Variants in NREP observed in about 807,000 individuals in gnomAD.
NREP encodes the protein neuronal regeneration related protein.
NREP carries 5 observed loss-of-function variants against 8.6 expected under a neutral mutation model. The observed-to-expected ratio is 0.58, with a 90% CI of 0.30 to 1.22. NREP has a LOEUF of 1.22. NREP is among the 50% of genes most tolerant of loss of function. The pLI, the probability that NREP is intolerant of heterozygous loss-of-function variation, is 0.07. For synonymous variants in NREP, 27 were observed against 28.0 expected, an observed-to-expected ratio of 0.96 and a Z score of 0.11; for missense variants, 86 against 82.5, an observed-to-expected ratio of 1.04 and a Z score of -0.17.
intron 2 of NREP, among the ~76,000 whole-genome samples, chr5:111,789,252 CT>C (rs1299210976): frequency 2.0e-5 from 3 of 152,234 alleles, no homozygotes; most frequent in East Asian, 3.9e-4. Flanking sequence ...CCAATTGCAG[CT>C]TTTTTTCTTT....
At chr5:111,765,562 A>C (rs1464334195) in intron 2 of NREP, among the ~76,000 whole-genome samples, 3 of 152,210 alleles carry the variant, frequency 2.0e-5, no homozygotes, top group Non-Finnish European at 4.4e-5. Flanking sequence ...TGAGGTGGAG[A>C]AAGGTTAAGC....
At position 111,755,821 on chromosome 5, in the gene NREP, G is replaced by C. The variant is rs957675169; in HGVS notation, c.-49C>G. 4 of 1,613,662 alleles carry C rather than the reference G, an allele frequency of 2.5e-6. No individual in the cohort carries two copies. The highest frequency in any genetic ancestry group is 3.4e-6 in the Non-Finnish European group (4 of 1,179,772). On this transcript the variant is annotated 5_prime_UTR_variant, in exon 2 of 4. Transcript: ENST00000257435. ...TCTATTCTCCCTCTCTTCAGTCCAGGGAGACCAACCTGCAAAATATGTTTA... is the reference window on the plus strand; with the variant it reads ...TCTATTCTCCCTCTCTTCAGTCCAGCGAGACCAACCTGCAAAATATGTTTA...
At chr5:111,821,538 C>T (rs1485677787) in intron 2 of NREP, among the ~76,000 whole-genome samples, 4 of 152,100 alleles carry the variant, frequency 2.6e-5, no homozygotes, top group Non-Finnish European at 5.9e-5. Flanking sequence ...AATCCAAACA[C>T]ATCAAAGGAA....
At chr5:111,844,295 C>T (rs1039910894) in intron 2 of NREP, among the ~76,000 whole-genome samples, 2 of 151,968 alleles carry the variant, frequency 1.3e-5, no homozygotes, top group African/African-American at 4.8e-5. Context: ...CTGCTATCCT[C>T]CTAAACCTTA....
intron 2 of NREP, among the ~76,000 whole-genome samples, chr5:111,742,572 G>C (rs1217781380): frequency 6.6e-6 from 1 of 152,034 alleles, no homozygotes; most frequent in African/African-American, 2.4e-5. Flanking sequence ...AGACTTTCAA[G>C]GGGGGCAAGA....
Position 111,730,280 on chromosome 5 carries a change from C to CCAA in NREP, c.*638_*640dup, listed in dbSNP as rs779719046. 2.6e-5 allele frequency: 4 copies of CCAA among 152,458 alleles called. No individual in the cohort carries two copies. Among genetic ancestry groups the CCAA allele is most frequent in the Non-Finnish European group, 4.4e-5 (3 of 68,018 alleles). The allele number at this position is 152,458 out of a possible 1,614,324, so 9.4% of individuals were successfully genotyped here. A position where few individuals can be genotyped will look rare whatever the true frequency, so the allele number is the denominator to read the frequency against. On this transcript the variant is annotated 3_prime_UTR_variant, in exon 4 of 4. Transcript: ENST00000257435. ...GAACAACATTCAGGGAAACAGAGTA[C>CCAA]CAACACCTTCTTAGAACATGGAAAT...
chr5:111,793,513 C>T (rs966819101), intron 2 of NREP, among the ~76,000 whole-genome samples: 1 of 152,154 alleles, frequency 6.6e-6, no homozygotes, highest in African/African-American at 2.4e-5. Context: ...AGGCTCTCAA[C>T]AGATTGGATC....
chr5:111,919,974 C>T (rs56305420), intron 2 of NREP, among the ~76,000 whole-genome samples: 11 of 9,714 alleles, frequency 1.1e-3, no homozygotes, highest in Non-Finnish European at 1.8e-3. Context: ...AAAAAGAATA[C>T]CCCCCCCCCC....
At chr5:111,871,760 T>C (rs1037989453) in intron 2 of NREP, among the ~76,000 whole-genome samples, 5 of 151,322 alleles carry the variant, frequency 3.3e-5, no homozygotes, top group Non-Finnish European at 7.4e-5. Flanking sequence ...CACTAGGTGA[T>C]ACGAGTTTTT....
intron 2 of NREP, among the ~76,000 whole-genome samples, chr5:111,742,036 G>A (rs1009810902): frequency 2.6e-5 from 4 of 152,100 alleles, no homozygotes; most frequent in African/African-American, 7.2e-5. Context: ...TGTACAAATA[G>A]AGGTTGGGGG....
chr5:111,737,367 A>G lies in NREP; in HGVS notation c.4-1860T>C, dbSNP rs574820177. On this transcript the variant is annotated intron_variant, in intron 2 of 3. Transcript: ENST00000257435. ...ACTTCATATAAATGGATATAAAGTG[A>G]TTACATTTCTATATTACCACTTTAA... Among the ~76,000 whole-genome samples, 4 of 152,348 alleles carry G rather than the reference A, an allele frequency of 2.6e-5. No individual in the cohort carries two copies. In the East Asian group the frequency reaches 7.7e-4, roughly 29 times the overall value.
chr5:111,764,890 T>C (rs1419826143), intron 2 of NREP, among the ~76,000 whole-genome samples: 1 of 152,210 alleles, frequency 6.6e-6, no homozygotes, highest in Non-Finnish European at 1.5e-5. Context: ...CATATGTTTG[T>C]TGCACTTTCT....
At chr5:111,780,368 T>G (rs1264082440) in intron 2 of NREP, among the ~76,000 whole-genome samples, 1 of 152,162 alleles carries the variant, frequency 6.6e-6, no homozygotes, top group African/African-American at 2.4e-5. Context: ...TTTTTGCTAC[T>G]GTGAGAGAAG....
chr5:111,973,990 G>A lies in NREP; in HGVS notation c.135+1284C>T, dbSNP rs557763408. On this transcript the variant is annotated intron_variant, in intron 2 of 3. Coordinates refer to the NREP transcript ENST00000395634. ...CAGTACACATACACACTCTATTTCA[G>A]TTCTCCAATACTGAACATTTTCTCT... 6.6e-5 allele frequency among the ~76,000 whole-genome samples: 10 copies of A among 152,136 alleles called. No homozygotes were observed. In the South Asian group the frequency reaches 1.4e-3, roughly 22 times the overall value.
chr5:111,932,169 T>C (rs1185331061), intron 2 of NREP, among the ~76,000 whole-genome samples: 1 of 151,256 alleles, frequency 6.6e-6, no homozygotes, highest in African/African-American at 2.4e-5. Flanking sequence ...AATTTTTGTG[T>C]AACTTAGAAT....
At chr5:111,928,299 A>G (rs1474050826) in intron 2 of NREP, among the ~76,000 whole-genome samples, 3 of 152,166 alleles carry the variant, frequency 2.0e-5, no homozygotes, top group Non-Finnish European at 2.9e-5. Context: ...GATGCTTTAA[A>G]TATATTTTCC....
At position 111,885,074 on chromosome 5, in the gene NREP, C is replaced by T. The variant is rs57453114; in HGVS notation, c.135+90200G>A. 4.3e-3 allele frequency among the ~76,000 whole-genome samples: 658 copies of T among 152,194 alleles called. 9 individuals are homozygous for T. The highest frequency in any genetic ancestry group is 0.015 in the African/African-American group (628 of 41,518). ...ATGACATGATTGTATACCTAGAAAA[C>T]CCCATTGTCTCAGCCCAAAATCTCC... On this transcript the variant is annotated intron_variant, in intron 2 of 3. Transcript: ENST00000395634.
intron 2 of NREP, among the ~76,000 whole-genome samples, chr5:111,909,306 A>G (rs902571021): frequency 2.0e-5 from 3 of 152,088 alleles, no homozygotes; most frequent in Admixed American, 2.0e-4. Context: ...CAAGAAGATG[A>G]ACTTAGAGCT....
intron 2 of NREP, among the ~76,000 whole-genome samples, chr5:111,911,519 C>T (rs1257267941): frequency 5.9e-5 from 9 of 151,836 alleles, no homozygotes; most frequent in African/African-American, 1.2e-4. Context: ...TGGCAGAAAC[C>T]CTGGGCCTTG....
Sources: allele counts gnomAD v4.1 joint callset (sites outside exome capture counted in the v4.1 genomes callset), GRCh38; gene constraint gnomAD v4.1.1; transcripts MANE v1.5; gene names NCBI Gene and HGNC (gene_info 2026-07-23, HGNC 2026-07-21).